The following PODXL variants were observed in gnomAD, a reference collection of about 807,000 sequenced individuals.
PODXL encodes the protein podocalyxin.
Under a neutral mutation model 48.9 loss-of-function variants are expected in PODXL, and 20 were observed. The ratio of observed to expected loss-of-function variants is 0.41; its 90% CI spans 0.29 to 0.59. The LOEUF (loss-of-function observed/expected upper bound fraction) is 0.59. PODXL is among the 20% of genes least tolerant of loss of function. The pLI is 0.31. For missense variants in PODXL, 606 were observed against 675.1 expected (o/e 0.90, Z 1.13); for synonymous variants, 295 against 287.4 (o/e 1.03, Z -0.27).
chr7:131,537,054 A>T (rs1798386406), intron 1 of PODXL, among the ~76,000 whole-genome samples: 1 of 152,038 alleles, frequency 6.6e-6, no homozygotes, highest in African/African-American at 2.4e-5. Flanking sequence ...GAGCCCAGGG[A>T]GGTGGAGGCT....
intron 1 of PODXL, among the ~76,000 whole-genome samples, chr7:131,549,771 G>A (rs75744889): frequency 3.5e-4 from 54 of 152,314 alleles, no homozygotes; most frequent in African/African-American, 1.1e-3. Context: ...TAGCCTTCTG[G>A]CCATGACAAT....
intron 1 of PODXL, among the ~76,000 whole-genome samples, chr7:131,523,138 TGTCA>T (rs1798115127): frequency 6.6e-6 from 1 of 152,208 alleles, no homozygotes; most frequent in African/African-American, 2.4e-5. Flanking sequence ...CATTTTAACA[TGTCA>T]ATCAGCAATT....
rs2116792009 is a variant in PODXL at position 131,511,156 on chromosome 7, T to C, written c.378A>G (p.Thr126=). The change falls in exon 2 of 9, where the codon ACA becomes ACG. Residue 126 remains threonine, a synonymous_variant. Coordinates refer to ENST00000378555, the MANE Select transcript of PODXL (RefSeq NM_001018111.3). ...CAACTGTAGTGGTGTCTGCACTTTT[T>C]GTGCTCTTGGGGCTCTCGATGGTGG... ...PTTTIESPKS[T]KSADTTTVAT... The C allele has an allele frequency of 1.2e-6, 2 of 1,614,090 alleles. No homozygotes were observed. The highest frequency in any genetic ancestry group is 1.7e-6 in the Non-Finnish European group (2 of 1,180,022).
chr7:131,501,356 A>G lies in PODXL; in HGVS notation c.*2955T>C, dbSNP rs1295738272. On this transcript the variant is annotated 3_prime_UTR_variant, in exon 9 of 9. Transcript: ENST00000378555. Reference sequence around the variant, plus strand: ...ACTGTATTTACATTATCAAAAAAATATGTGTATATGTATCAGTTTGAACTT... The same window carrying G: ...ACTGTATTTACATTATCAAAAAAATGTGTGTATATGTATCAGTTTGAACTT... 1 of 152,440 alleles carries G rather than the reference A, an allele frequency of 6.6e-6. No homozygotes were observed. Among genetic ancestry groups the G allele is most frequent in the Admixed American group, 6.5e-5 (1 of 15,274 alleles). The allele number at this position is 152,440 out of a possible 1,614,324, so 9.4% of individuals were successfully genotyped here. A position where few individuals can be genotyped will look rare whatever the true frequency, so the allele number is the denominator to read the frequency against.
At chr7:131,508,103 AGT>A (rs917016821) in intron 5 of PODXL, among the ~76,000 whole-genome samples, 2 of 152,142 alleles carry the variant, frequency 1.3e-5, no homozygotes, top group East Asian at 3.9e-4. Context: ...TTATTTACTG[AGT>A]GTGCACAGCG....
chr7:131,553,879 T>C (rs1275608233), intron 1 of PODXL, among the ~76,000 whole-genome samples: 1 of 152,192 alleles, frequency 6.6e-6, no homozygotes, highest in Non-Finnish European at 1.5e-5. Flanking sequence ...TGACTTACCA[T>C]TGTGGTTCTG....
chr7:131,553,687 C>G (rs1249034487), intron 1 of PODXL, among the ~76,000 whole-genome samples: 2 of 152,212 alleles, frequency 1.3e-5, no homozygotes, highest in East Asian at 1.9e-4. Context: ...TCCACCCCAC[C>G]AAGCTGCCTT....
At chr7:131,516,794 G>A (rs1388956320) in intron 1 of PODXL, among the ~76,000 whole-genome samples, 34 of 140,636 alleles carry the variant, frequency 2.4e-4, no homozygotes, top group Non-Finnish European at 1.7e-4. Flanking sequence ...GTAGTGCAGT[G>A]GCATGATACA....
chr7:131,533,153 G>C (rs577713240), intron 1 of PODXL, among the ~76,000 whole-genome samples: 3 of 152,280 alleles, frequency 2.0e-5, no homozygotes, highest in African/African-American at 7.2e-5. Context: ...CCCCACACAG[G>C]CTGAGTGTCA....
At chr7:131,518,855 G>A (rs189545515) in intron 1 of PODXL, among the ~76,000 whole-genome samples, 1 of 152,284 alleles carries the variant, frequency 6.6e-6, no homozygotes, top group African/African-American at 2.4e-5. Context: ...CCATCATTAG[G>A]CGATGGAGAA....
intron 1 of PODXL, among the ~76,000 whole-genome samples, chr7:131,513,412 G>A (rs946948748): frequency 1.3e-5 from 2 of 152,200 alleles, no homozygotes; most frequent in Non-Finnish European, 2.9e-5. Flanking sequence ...GGGAGTGGTG[G>A]GAAGGGGGCT....
chr7:131,551,531 TC>T (rs1226560788), intron 1 of PODXL, among the ~76,000 whole-genome samples: 1 of 152,230 alleles, frequency 6.6e-6, no homozygotes, highest in Non-Finnish European at 1.5e-5. Flanking sequence ...GAAGAGGGCC[TC>T]TGCCTCAAAG....
intron 1 of PODXL, among the ~76,000 whole-genome samples, chr7:131,550,418 G>T (rs1455944030): frequency 6.6e-6 from 1 of 152,144 alleles, no homozygotes; most frequent in Non-Finnish European, 1.5e-5. Context: ...GCACTGGGAG[G>T]CTGAGGTGGG....
chr7:131,526,117 T>G (rs759174793), intron 1 of PODXL, among the ~76,000 whole-genome samples: 6 of 152,210 alleles, frequency 3.9e-5, no homozygotes, highest in Non-Finnish European at 8.8e-5. Flanking sequence ...CCAAGGCTCC[T>G]TGGAGAAAGG....
intron 1 of PODXL, among the ~76,000 whole-genome samples, chr7:131,547,606 T>C (rs1798602250): frequency 6.6e-6 from 1 of 152,134 alleles, no homozygotes; most frequent in Non-Finnish European, 1.5e-5. Flanking sequence ...TCAGCAGAGA[T>C]TTCCATTTTT....
At chr7:131,508,007 C>T (rs1797838828) in intron 5 of PODXL, among the ~76,000 whole-genome samples, 1 of 152,198 alleles carries the variant, frequency 6.6e-6, no homozygotes, top group Non-Finnish European at 1.5e-5. Context: ...AGTTCTAGTT[C>T]CTAGGGGGTG....
At chr7:131,526,518 AG>A (rs1212252985) in intron 1 of PODXL, among the ~76,000 whole-genome samples, 1 of 151,800 alleles carries the variant, frequency 6.6e-6, no homozygotes, top group East Asian at 1.9e-4. Context: ...AAAAAAAAAA[AG>A]CACAGCCTAA....
In PODXL at chr7:131,530,428, C is replaced by T. The variant is rs1008453384; in HGVS notation, c.101-18995G>A. On this transcript the variant is annotated intron_variant, in intron 1 of 8. Transcript: ENST00000378555. ...TGATGCTCCCCATGTTACGGTCCCA[C>T]CTCTGTGTGTCTTGGGTGTTATTAA... is the stretch of plus-strand genomic sequence containing the variant. Among the ~76,000 whole-genome samples the T allele has an allele frequency of 7.2e-5, 11 of 152,190 alleles. No individual in the cohort carries two copies. In the East Asian group the frequency reaches 2.1e-3, roughly 29 times the overall value.
intron 1 of PODXL, among the ~76,000 whole-genome samples, chr7:131,555,915 G>A (rs1457603411): frequency 6.6e-6 from 1 of 152,222 alleles, no homozygotes; most frequent in African/African-American, 2.4e-5. Context: ...ATCAGATCCC[G>A]AGAGTCCCGC....
Sources: gnomAD v4.1 joint callset for allele counts (sites outside exome capture counted in the v4.1 genomes callset) on GRCh38, gnomAD v4.1.1 for gene constraint, MANE v1.5 for transcripts, NCBI Gene and HGNC (gene_info 2026-07-23, HGNC 2026-07-21) for gene names.